MAPKAP1: variants seen among roughly 807,000 people sequenced by gnomAD.
The protein encoded by MAPKAP1 is target of rapamycin complex 2 subunit MAPKAP1.
MAPKAP1 carries 20 observed loss-of-function variants against 65.7 expected under a neutral mutation model. That is an observed-to-expected ratio of 0.30 (90% CI 0.21 to 0.44). MAPKAP1 has a LOEUF of 0.44. MAPKAP1 is among the 20% of genes least tolerant of loss of function. The pLI is 1.00. For synonymous variants in MAPKAP1, 222 were observed against 244.3 expected (o/e 0.91, Z 0.85); for missense variants, 423 against 648.0 (o/e 0.65, Z 3.77).
At chr9:125,596,247 G>A in intron 4 of MAPKAP1, 1 of 763,362 alleles carries the variant, frequency 1.3e-6, no homozygotes, top group Non-Finnish European at 2.4e-6. Context: ...CAGCGAAAGA[G>A]GTCGAAGTGG....
At position 125,443,691 on chromosome 9, in the gene MAPKAP1, C is replaced by T. The variant is rs1393911185; in HGVS notation, c.1443+810G>A. On this transcript the variant is annotated intron_variant, in intron 11 of 11. Coordinates refer to ENST00000265960, the MANE Select transcript of MAPKAP1 (RefSeq NM_001006617.3). Reference sequence around the variant, plus strand: ...CTGCACGGCCTAGCCCCGCCAGCCCCGCCAGCTCCCCCAGCCCCCCCAGCC... The same window carrying T: ...CTGCACGGCCTAGCCCCGCCAGCCCTGCCAGCTCCCCCAGCCCCCCCAGCC... Among the ~76,000 whole-genome samples the T allele has an allele frequency of 3.5e-5, 5 of 141,332 alleles. 1 individual carries two copies. The highest frequency in any genetic ancestry group is 1.1e-4 in the African/African-American group (4 of 37,358). The allele number at this position is 141,332 out of a possible 152,430, so 92.7% of individuals were successfully genotyped here.
intron 7 of MAPKAP1, among the ~76,000 whole-genome samples, chr9:125,530,480 T>C (rs964004317): frequency 9.2e-5 from 14 of 152,268 alleles, no homozygotes; most frequent in African/African-American, 3.4e-4. Flanking sequence ...AACTTACTTA[T>C]AAATGTGTTT....
rs116908355 is a variant in MAPKAP1, at chr9:125,637,430, T to C, written c.498+20221A>G. ...AAAAAAAATGAGGAAATGGGCCAGA[T>C]GTATGAAAAAATTAGAAATCACTTG... On this transcript the variant is annotated intron_variant, in intron 4 of 11. Transcript: ENST00000265960. Among the ~76,000 whole-genome samples the C allele has an allele frequency of 3.0e-3, 463 of 151,828 alleles. 2 individuals are homozygous for C. Among genetic ancestry groups the C allele is most frequent in the African/African-American group, 4.4e-3 (180 of 41,374 alleles).
In MAPKAP1 at chr9:125,438,671, A is replaced by G. The variant is rs1478132301; in HGVS notation, c.*216T>C. 3.6e-6 allele frequency: 2 copies of G among 552,856 alleles called. No individual in the cohort carries two copies. The highest frequency in any genetic ancestry group is 6.0e-5 in the East Asian group (2 of 33,424). 34.2% of individuals were successfully genotyped at this position (552,856 alleles called of 1,614,324 possible). A position where few individuals can be genotyped will look rare whatever the true frequency, so the allele number is the denominator to read the frequency against. ...CTGACCCCCAAGCATCGCTTATCAA[A>G]GCCACTGCCAAGCAGACTTCCGTCC... On this transcript the variant is annotated 3_prime_UTR_variant, in exon 12 of 12. Transcript: ENST00000265960.
chr9:125,459,622 G>A (rs1270992006), intron 10 of MAPKAP1, among the ~76,000 whole-genome samples: 6 of 152,204 alleles, frequency 3.9e-5, no homozygotes, highest in Non-Finnish European at 5.9e-5. Context: ...AGACCAGCCC[G>A]GCCAACTCAG....
chr9:125,633,888 T>C (rs1833355062), intron 4 of MAPKAP1, among the ~76,000 whole-genome samples: 1 of 152,230 alleles, frequency 6.6e-6, no homozygotes. Context: ...AGCAATTTAA[T>C]TATATCTTTG....
intron 7 of MAPKAP1, among the ~76,000 whole-genome samples, chr9:125,517,261 T>C (rs1224287142): frequency 6.6e-6 from 1 of 152,154 alleles, no homozygotes; most frequent in Non-Finnish European, 1.5e-5. Flanking sequence ...AAAGATGCTG[T>C]GTGGGAGACC....
Position 125,693,872 on chromosome 9 carries a change from C to T in MAPKAP1, c.-70+13099G>A, listed in dbSNP as rs866253098. ...ACACACACACACACACACACACACA[C>T]ATATATATATAGTTGGCCGGGCATA... On this transcript the variant is annotated intron_variant, in intron 1 of 11. Transcript: ENST00000265960. 8.8e-5 allele frequency among the ~76,000 whole-genome samples: 13 copies of T among 147,244 alleles called. 1 individual carries two copies. Among genetic ancestry groups the T allele is most frequent in the East Asian group, 4.0e-4 (2 of 5,024 alleles).
At chr9:125,677,583 C>T (rs959029358) in intron 1 of MAPKAP1, among the ~76,000 whole-genome samples, 1 of 152,028 alleles carries the variant, frequency 6.6e-6, no homozygotes, top group Non-Finnish European at 1.5e-5. Context: ...ATAGTGTCAG[C>T]TACTCGGGAG....
intron 11 of MAPKAP1, among the ~76,000 whole-genome samples, chr9:125,440,896 G>GTATT (rs1852456380): frequency 6.6e-6 from 1 of 152,172 alleles, no homozygotes; most frequent in African/African-American, 2.4e-5. Flanking sequence ...TGTTTTCAGT[G>GTATT]TATTTTTGGC....
At chr9:125,506,229 C>T (rs1200055342) in intron 8 of MAPKAP1, 81 bp downstream of exon 8, 1 of 1,198,922 alleles carries the variant, frequency 8.3e-7, no homozygotes, top group African/African-American at 1.5e-5. Flanking sequence ...GGAAACCAGA[C>T]CAGTGAGCGT....
rs1330925618 is a variant in MAPKAP1, at chr9:125,595,748, G to A, written c.499-10021C>T. The A allele has an allele frequency of 3.5e-6, 5 of 1,408,590 alleles. No individual in the cohort carries two copies. The East Asian group carries it at 9.2e-5, about 26-fold the overall frequency. The allele number at this position is 1,408,590 out of a possible 1,614,324, so 87.3% of individuals were successfully genotyped here. ...AGGGTTGAGCTTTGAAACAACCAATGAGAGCAAGAGGAGCCATTGTGAGCA... is the reference window on the plus strand; with the variant it reads ...AGGGTTGAGCTTTGAAACAACCAATAAGAGCAAGAGGAGCCATTGTGAGCA... On this transcript the variant is annotated intron_variant, in intron 4 of 11. Coordinates refer to ENST00000265960, the MANE Select transcript of MAPKAP1 (RefSeq NM_001006617.3). This position sits in a 1 kb window ranked among gnomAD's most constrained non-coding sequence, Gnocchi z 4.0.
intron 1 of MAPKAP1, among the ~76,000 whole-genome samples, chr9:125,678,513 A>T (rs898560565): frequency 1.3e-5 from 2 of 152,206 alleles, no homozygotes; most frequent in Non-Finnish European, 2.9e-5. Flanking sequence ...AAGTGCTGGG[A>T]TTACAGGCGT....
At chr9:125,640,032 CTACTAAGACCTCAGTATAGGCATG>C (rs1833533182) in intron 4 of MAPKAP1, among the ~76,000 whole-genome samples, 1 of 152,210 alleles carries the variant, frequency 6.6e-6, no homozygotes. Context: ...CTAACTTCTC[CTACTAAGACCTCAGTATAGGCATG>C]ACTCCTTTGT....
At chr9:125,656,796 C>A (rs1410144759) in intron 4 of MAPKAP1, among the ~76,000 whole-genome samples, 1 of 152,198 alleles carries the variant, frequency 6.6e-6, no homozygotes, top group Non-Finnish European at 1.5e-5. Flanking sequence ...AAATCAACCG[C>A]TACTGTCTTC....
chr9:125,638,360 A>G (rs1236561933), intron 4 of MAPKAP1, among the ~76,000 whole-genome samples: 1 of 152,190 alleles, frequency 6.6e-6, no homozygotes, highest in Admixed American at 6.5e-5. Flanking sequence ...TCTGACAGAC[A>G]CTGAGAAGGA....
intron 1 of MAPKAP1, among the ~76,000 whole-genome samples, chr9:125,677,345 G>A (rs913040508): frequency 6.6e-6 from 1 of 152,054 alleles, no homozygotes. Flanking sequence ...AGGCAGAGGT[G>A]AGCCAAGATG....
chr9:125,617,349 T>C (rs995075519), intron 4 of MAPKAP1, among the ~76,000 whole-genome samples: 13 of 152,174 alleles, frequency 8.5e-5, no homozygotes, highest in Non-Finnish European at 1.5e-4. Flanking sequence ...GCGTCCTAGC[T>C]ACTACTGAGA....
At chr9:125,545,300 G>A (rs373757559) in intron 6 of MAPKAP1, among the ~76,000 whole-genome samples, 2 of 152,234 alleles carry the variant, frequency 1.3e-5, no homozygotes, top group South Asian at 2.1e-4. Flanking sequence ...GTACTGAAAC[G>A]TAAAGTGCCT....
Sources: allele counts gnomAD v4.1 joint callset (sites outside exome capture counted in the v4.1 genomes callset), GRCh38; gene constraint gnomAD v4.1.1; non-coding constraint Gnocchi (gnomAD v3.1); transcripts MANE v1.5; gene names NCBI Gene and HGNC (gene_info 2026-07-23, HGNC 2026-07-21).